Variants in OR1J2 observed in about 807,000 individuals in gnomAD.
OR1J2 encodes olfactory receptor 1J2.
For synonymous variants in OR1J2, 142 were observed against 99.7 expected (o/e 1.42, Z -2.52); for missense variants, 304 against 246.1 (o/e 1.24, Z -1.57).
chr9:122,520,964 G>T, the OR1J2 span, among the ~76,000 whole-genome samples: 1 of 152,158 alleles, frequency 6.6e-6, no homozygotes, highest in Non-Finnish European at 1.5e-5. Flanking sequence ...AACTACAAAT[G>T]CTTCTGAGAA....
the OR1J2 span, among the ~76,000 whole-genome samples, chr9:122,565,905 T>G: frequency 6.6e-6 from 1 of 152,220 alleles, no homozygotes; most frequent in Non-Finnish European, 1.5e-5. Context: ...ACTGGACTCC[T>G]AAACTCAGGC....
At chr9:122,506,854 C>T (rs565165233), upstream of OR1J2, among the ~76,000 whole-genome samples, 8 of 152,220 alleles carry the variant, frequency 5.3e-5, no homozygotes, top group East Asian at 1.5e-3. Context: ...GACTGACATA[C>T]TGGAGGAATA....
the OR1J2 span, among the ~76,000 whole-genome samples, chr9:122,532,478 C>T: frequency 6.6e-6 from 1 of 151,478 alleles, no homozygotes; most frequent in East Asian, 1.9e-4. Flanking sequence ...GAGATGCAGT[C>T]ATGAGGGTCA....
Position 122,511,099 on chromosome 9 carries a change from C to CATAG in OR1J2, c.299_300insTAGA (p.Gln100HisfsTer11). 1.8e-6 allele frequency: 2 copies of CATAG among 1,084,196 alleles called. No homozygotes were observed. Among genetic ancestry groups the CATAG allele is most frequent in the Non-Finnish European group, 2.7e-6 (2 of 727,556 alleles). 67.2% of individuals were successfully genotyped at this position (1,084,196 alleles called of 1,614,324 possible). A position where few individuals can be genotyped will look rare whatever the true frequency, so the allele number is the denominator to read the frequency against. Reference sequence around the variant, plus strand: ...GATCCTCTATGAGGAATGCATTTCTCAGATGTATTTTTTTATATTTTTTAC... The same window carrying CATAG: ...GATCCTCTATGAGGAATGCATTTCTCATAGAGATGTATTTTTTTATATTTTTTAC... On this transcript the variant is annotated frameshift_variant, in exon 1 of 1. Transcript: ENST00000335302. LOFTEE classifies it low-confidence loss of function (END_TRUNC).
At chr9:122,463,753 T>A in the OR1J2 span, among the ~76,000 whole-genome samples, 2 of 152,192 alleles carry the variant, frequency 1.3e-5, no homozygotes, top group Non-Finnish European at 2.9e-5. Flanking sequence ...TAGGGGAGTG[T>A]CTGCAGAATC....
the OR1J2 span, among the ~76,000 whole-genome samples, chr9:122,501,028 G>T: frequency 6.6e-6 from 1 of 152,090 alleles, no homozygotes; most frequent in Admixed American, 6.5e-5. Flanking sequence ...CAATAAAAAT[G>T]ATATATAGGC....
chr9:122,552,408 G>A, the OR1J2 span, among the ~76,000 whole-genome samples: 1 of 152,140 alleles, frequency 6.6e-6, no homozygotes, highest in African/African-American at 2.4e-5. Context: ...TAGGGGTGAA[G>A]GCACAGGTGA....
At chr9:122,512,734 AAATG>A (rs977539056), downstream of OR1J2, among the ~76,000 whole-genome samples, 3 of 152,334 alleles carry the variant, frequency 2.0e-5, no homozygotes, top group Non-Finnish European at 1.5e-5. Context: ...TATGTAATGA[AAATG>A]AAGCCAAAGT....
the OR1J2 span, among the ~76,000 whole-genome samples, chr9:122,573,405 T>C: frequency 3.3e-5 from 5 of 152,218 alleles, no homozygotes. Flanking sequence ...TGAGTGAATA[T>C]TTTTATGTTT....
chr9:122,532,324 G>A, the OR1J2 span, among the ~76,000 whole-genome samples: 1 of 152,136 alleles, frequency 6.6e-6, no homozygotes, highest in Admixed American at 6.5e-5. Context: ...CGGGCTAGTG[G>A]CTTGTGCTAT....
chr9:122,578,504 T>C, the OR1J2 span: 1 of 150,564 alleles, frequency 6.6e-6, no homozygotes, highest in African/African-American at 2.4e-5. Flanking sequence ...TGCACATGCA[T>C]GTTTATAGCA....
the OR1J2 span, chr9:122,519,141 A>G: frequency 6.3e-7 from 1 of 1,587,636 alleles, no homozygotes; most frequent in Admixed American, 1.7e-5. Flanking sequence ...GACTGTCAGC[A>G]TGAAGAGGGA....
At chr9:122,553,178 T>C in the OR1J2 span, 2 of 1,600,558 alleles carry the variant, frequency 1.2e-6, no homozygotes, top group Non-Finnish European at 8.5e-7. Flanking sequence ...ACATGGAAGG[T>C]TTTTATCTGC....
the OR1J2 span, among the ~76,000 whole-genome samples, chr9:122,533,638 T>A: frequency 6.6e-6 from 1 of 151,984 alleles, no homozygotes. Flanking sequence ...GTGGGGATAA[T>A]TAAAAAAGAG....
chr9:122,560,494 C>T, the OR1J2 span, among the ~76,000 whole-genome samples: 2 of 152,084 alleles, frequency 1.3e-5, no homozygotes, highest in Non-Finnish European at 2.9e-5. Flanking sequence ...TTAGTGCTTC[C>T]TTCAGGAGCT....
the OR1J2 span, chr9:122,475,761 T>C: frequency 0.18 from 27,626 of 152,158 alleles, 2,963 homozygotes; most frequent in East Asian, 0.33. Context: ...CCTGTGATCA[T>C]CAGAACAAGA....
chr9:122,484,317 A>G, the OR1J2 span, among the ~76,000 whole-genome samples: 6 of 152,108 alleles, frequency 3.9e-5, no homozygotes, highest in South Asian at 1.0e-3. Flanking sequence ...ACGCACCACC[A>G]TGCCGAGCTA....
chr9:122,468,190 T>A, the OR1J2 span, among the ~76,000 whole-genome samples: 1 of 152,212 alleles, frequency 6.6e-6, no homozygotes, highest in African/African-American at 2.4e-5. Context: ...AAGGTCATAA[T>A]GCCTGTAAAG....
the OR1J2 span, among the ~76,000 whole-genome samples, chr9:122,569,883 T>C: frequency 6.8e-6 from 1 of 147,922 alleles, no homozygotes; most frequent in Non-Finnish European, 1.5e-5. Flanking sequence ...CCTGTGTCCA[T>C]GTGTTCTCAT....
Sources: allele counts gnomAD v4.1 joint callset (sites outside exome capture counted in the v4.1 genomes callset), GRCh38; gene constraint gnomAD v4.1.1; transcripts MANE v1.5; gene names NCBI Gene and HGNC (gene_info 2026-07-23, HGNC 2026-07-21).